The following ZNF638 variants were observed in gnomAD, a reference collection of about 807,000 sequenced individuals.
The protein encoded by ZNF638 is zinc finger protein 638.
ZNF638 carries 46 observed loss-of-function variants against 195.6 expected under a neutral mutation model. The observed-to-expected ratio is 0.24, with a 90% CI of 0.19 to 0.30. The LOEUF (loss-of-function observed/expected upper bound fraction) is 0.30, where lower values mean the gene tolerates loss of function less well. ZNF638 is among the 10% of genes least tolerant of loss of function. ZNF638 has a pLI of 1.00. For synonymous variants in ZNF638, 845 were observed against 772.0 expected, an observed-to-expected ratio of 1.09 and a Z score of -1.57; for missense variants, 2,440 against 2,325.3, an observed-to-expected ratio of 1.05 and a Z score of -1.01.
chr2:71,345,353 T>A (rs1374477751), intron 1 of ZNF638, among the ~76,000 whole-genome samples: 2 of 152,142 alleles, frequency 1.3e-5, no homozygotes, highest in South Asian at 4.1e-4. Flanking sequence ...TTTTAACCAT[T>A]GAAGATATGT....
chr2:71,337,807 T>C (rs1330256160), intron 1 of ZNF638, among the ~76,000 whole-genome samples: 1 of 130,170 alleles, frequency 7.7e-6, no homozygotes, highest in Non-Finnish European at 1.8e-5. Flanking sequence ...AGGACTAAAC[T>C]AAGATCAGAT....
chr2:71,394,109 GC>G (rs1040311200), intron 10 of ZNF638, among the ~76,000 whole-genome samples: 10 of 152,168 alleles, frequency 6.6e-5, no homozygotes, highest in Admixed American at 3.3e-4. Context: ...CGGGGGACAA[GC>G]CCTTAGTCTC....
At chr2:71,421,146 A>G (rs557714586) in intron 21 of ZNF638, among the ~76,000 whole-genome samples, 1 of 152,280 alleles carries the variant, frequency 6.6e-6, no homozygotes, top group African/African-American at 2.4e-5. Context: ...TACAGTAATG[A>G]GGCAGGAATT....
intron 3 of ZNF638, among the ~76,000 whole-genome samples, chr2:71,361,106 T>G (rs1383034490): frequency 6.6e-6 from 1 of 152,102 alleles, no homozygotes; most frequent in East Asian, 1.9e-4. Flanking sequence ...GGACCACTGG[T>G]GAGTGCCACC....
In ZNF638 at chr2:71,349,889, A is replaced by C; in HGVS notation, c.935A>C (p.Asn312Thr). The change falls in exon 2 of 28, where the codon AAC becomes ACC. Residue 312 changes from asparagine to threonine, a missense_variant. By Grantham distance (65) the Asn-to-Thr change is moderately conservative. Transcript: ENST00000264447. ...GTCCTTGAACCCATAAAATCCGTCA[A>C]CCAATCCATTAACCAAACAGTTAGC... ...QSVLEPIKSV[N>T]QSINQTVSQT... 1 of 1,614,242 alleles carries C rather than the reference A, an allele frequency of 6.2e-7. No homozygotes were observed. The highest frequency in any genetic ancestry group is 8.5e-7 in the Non-Finnish European group (1 of 1,180,040).
chr2:71,427,989 C>T (rs1558887933), intron 24 of ZNF638, among the ~76,000 whole-genome samples: 1 of 151,986 alleles, frequency 6.6e-6, no homozygotes, highest in Non-Finnish European at 1.5e-5. Flanking sequence ...GCCAGGAGTG[C>T]GACACCAGTC....
intron 20 of ZNF638, among the ~76,000 whole-genome samples, chr2:71,417,970 A>G (rs1177839639): frequency 2.6e-5 from 4 of 152,294 alleles, no homozygotes; most frequent in East Asian, 3.9e-4. Context: ...GCTTCCTTCT[A>G]GTATGTATAA....
chr2:71,388,214 A>T (rs1397177248), intron 10 of ZNF638, among the ~76,000 whole-genome samples: 1 of 152,230 alleles, frequency 6.6e-6, no homozygotes, highest in Admixed American at 6.5e-5. Flanking sequence ...AGGCAGCTAA[A>T]TTCTCTTACC....
chr2:71,378,330 A>C (rs2079473249), intron 8 of ZNF638, among the ~76,000 whole-genome samples: 1 of 152,232 alleles, frequency 6.6e-6, no homozygotes. Flanking sequence ...CCATTAGTAG[A>C]ATAGCACTAG....
At chr2:71,418,562 C>T (rs2080353820) in intron 20 of ZNF638, 40 bp from the exon 21 acceptor site, 1 of 1,365,622 alleles carries the variant, frequency 7.3e-7, no homozygotes, top group Non-Finnish European at 9.8e-7. Flanking sequence ...ATTTCAAATC[C>T]AGTGGAATAG....
intron 8 of ZNF638, among the ~76,000 whole-genome samples, chr2:71,372,090 G>A (rs1197554849): frequency 6.6e-6 from 1 of 152,090 alleles, no homozygotes; most frequent in Non-Finnish European, 1.5e-5. Context: ...TTTTGTATAT[G>A]GTGAGAGATA....
intron 1 of ZNF638, among the ~76,000 whole-genome samples, chr2:71,333,494 G>A (rs1185514268): frequency 3.9e-5 from 6 of 152,012 alleles, no homozygotes; most frequent in Non-Finnish European, 7.4e-5. Flanking sequence ...GGGTGTATAC[G>A]GCAGGTACTC....
intron 2 of ZNF638, among the ~76,000 whole-genome samples, chr2:71,355,160 G>C (rs2079004023): frequency 6.6e-6 from 1 of 152,050 alleles, no homozygotes; most frequent in Non-Finnish European, 1.5e-5. Context: ...AGTAGAGACA[G>C]GGTTTCACAG....
intron 8 of ZNF638, chr2:71,376,232 G>A (rs2079421064): frequency 6.6e-6 from 1 of 152,162 alleles, no homozygotes; most frequent in African/African-American, 2.4e-5. Flanking sequence ...AAATATTAAT[G>A]TTCTTCAGCT....
rs774944659 is a variant in ZNF638 at position 71,405,594 on chromosome 2, T to C, written c.2959-7T>C. On this transcript the variant is annotated splice_polypyrimidine_tract_variant and splice_region_variant and intron_variant, in intron 17 of 27. Transcript: ENST00000264447. The stretch of plus-strand genomic sequence containing the variant: ...ACCATCAACCTTTATCTATTTTTGC[T>C]TTTTAGGAAGCTATATTTATAACCT... The C allele has an allele frequency of 6.4e-7, 1 of 1,555,628 alleles. No homozygotes were observed. The highest frequency in any genetic ancestry group is 8.7e-7 in the Non-Finnish European group (1 of 1,145,270).
chr2:71,367,862 G>T (rs1361654601), intron 6 of ZNF638, among the ~76,000 whole-genome samples: 1 of 152,026 alleles, frequency 6.6e-6, no homozygotes, highest in African/African-American at 2.4e-5. Flanking sequence ...GAGCCACCAT[G>T]CCTGGCTGTA....
At chr2:71,404,892 G>GCATGAGGTAGAAATATTGTATGCATCA in intron 17 of ZNF638, among the ~76,000 whole-genome samples, 1 of 152,182 alleles carries the variant, frequency 6.6e-6, no homozygotes. Flanking sequence ...CTGCTAAGAA[G>GCATGAGGTAGAAATATTGTATGCATCA]CATGAGGTAG....
Position 71,364,247 on chromosome 2 carries a change from C to A in ZNF638, c.1712C>A (p.Ser571Ter). 1.2e-6 allele frequency: 2 copies of A among 1,612,812 alleles called. No homozygotes were observed. Among genetic ancestry groups the A allele is most frequent in the South Asian group, 2.2e-5 (2 of 90,982 alleles). Residue 571 changes from serine (S) to a stop codon, truncating the protein, a stop_gained, in exon 5 of 28, where the codon TCA becomes TAA. Transcript: ENST00000264447. LOFTEE classifies it high-confidence loss of function. ...AGGATGTCAAGGAGATCAGTGAGAT[C>A]ATCAGGTACACTGATGGCCATGAAA... ...PERMSRRSVR[S>*]SDRKKALEDV...
chr2:71,400,378 T>C, intron 14 of ZNF638, 100 bp from the exon 15 acceptor site: 1 of 1,201,452 alleles, frequency 8.3e-7, no homozygotes, highest in Non-Finnish European at 1.2e-6. Flanking sequence ...AGACTTGTTG[T>C]ATTACACGTT....
Sources: allele counts gnomAD v4.1 joint callset (sites outside exome capture counted in the v4.1 genomes callset), GRCh38; gene constraint gnomAD v4.1.1; transcripts MANE v1.5; gene names NCBI Gene and HGNC (gene_info 2026-07-23, HGNC 2026-07-21).